Variants in TBC1D5 observed in about 807,000 individuals in gnomAD.
The protein encoded by TBC1D5 is TBC1 domain family, member 5.
Under a neutral mutation model 100.3 loss-of-function variants are expected in TBC1D5, and 75 were observed. That is an observed-to-expected ratio of 0.75 (90% CI 0.62 to 0.91). TBC1D5 has a LOEUF of 0.91. Among genes scored for constraint, TBC1D5 ranks in the 40% least tolerant of loss-of-function variants. TBC1D5 has a pLI of 0.00. For synonymous variants in TBC1D5, 323 were observed against 325.6 expected, an observed-to-expected ratio of 0.99 and a Z score of 0.09; for missense variants, 910 against 942.4, an observed-to-expected ratio of 0.97 and a Z score of 0.45.
chr3:17,579,323 T>C (rs1332824920), intron 2 of TBC1D5, among the ~76,000 whole-genome samples: 1 of 152,094 alleles, frequency 6.6e-6, no homozygotes, highest in Non-Finnish European at 1.5e-5. Flanking sequence ...TGAATGTAAA[T>C]TAGAAATACA....
chr3:17,304,409 G>A (rs529696661), intron 14 of TBC1D5, among the ~76,000 whole-genome samples: 2 of 152,066 alleles, frequency 1.3e-5, no homozygotes, highest in African/African-American at 4.8e-5. Flanking sequence ...TCTTTTCATA[G>A]ATCTTTTTTT....
intron 2 of TBC1D5, among the ~76,000 whole-genome samples, chr3:17,522,651 C>T (rs2096075812): frequency 6.6e-6 from 1 of 152,092 alleles, no homozygotes; most frequent in African/African-American, 2.4e-5. Flanking sequence ...ACTGGGACTA[C>T]AGAGGAGCTA....
rs2087582761 is a variant in TBC1D5 at position 17,335,485 on chromosome 3, T to C, written c.996-27351A>G. Among the ~76,000 whole-genome samples the C allele has an allele frequency of 4.6e-5, 7 of 152,192 alleles. No homozygotes were observed. In the South Asian group the frequency reaches 1.5e-3, roughly 32 times the overall value. Reference sequence around the variant, plus strand: ...ATAAGGAGAAAGACCCATCTCTGACTCCACTCAGCAGAACCACAACATCCA... The same window carrying C: ...ATAAGGAGAAAGACCCATCTCTGACCCCACTCAGCAGAACCACAACATCCA... On this transcript the variant is annotated intron_variant, in intron 13 of 21. Coordinates refer to ENST00000253692, the Ensembl canonical transcript of TBC1D5.
intron 3 of TBC1D5, among the ~76,000 whole-genome samples, chr3:17,491,019 C>A (rs985754476): frequency 6.6e-6 from 1 of 152,138 alleles, no homozygotes; most frequent in Non-Finnish European, 1.5e-5. Context: ...TGAAGAGGTC[C>A]TTCACTTCCC....
exon 22 of TBC1D5, chr3:17,160,923 G>A (rs1177761849): frequency 1.3e-6 from 2 of 1,584,106 alleles, no homozygotes; most frequent in Non-Finnish European, 1.7e-6. Context: ...GGCCACTGAA[G>A]GGTGGCTAGA....
chr3:17,594,953 A>G lies in TBC1D5; in HGVS notation c.-36+28896T>C, dbSNP rs997900525. On this transcript the variant is annotated intron_variant, in intron 2 of 21. Transcript: ENST00000253692. The stretch of plus-strand genomic sequence containing the variant: ...GCCAAAGGAGATTACCATTTGAGGC[A>G]GTGGGCTGGGAAAGGCAGACCCACC... Among the ~76,000 whole-genome samples, 3 of 152,188 alleles carry G rather than the reference A, an allele frequency of 2.0e-5. No homozygotes were observed. The East Asian group carries it at 5.8e-4, about 29-fold the overall frequency.
At chr3:17,213,733 C>CAAAA (rs71632897) in intron 18 of TBC1D5, among the ~76,000 whole-genome samples, 6 of 61,042 alleles carry the variant, frequency 9.8e-5, no homozygotes, top group Non-Finnish European at 1.5e-4. Context: ...GACTCTGTCT[C>CAAAA]AAAAAAAAAA....
chr3:17,362,231 A>G (rs1425316460), intron 13 of TBC1D5, among the ~76,000 whole-genome samples: 3 of 152,244 alleles, frequency 2.0e-5, no homozygotes, highest in Admixed American at 6.5e-5. Context: ...CAGAGTTCTT[A>G]TATGTGACAC....
chr3:17,362,262 G>C (rs1278235331), intron 13 of TBC1D5, among the ~76,000 whole-genome samples: 1 of 152,064 alleles, frequency 6.6e-6, no homozygotes, highest in African/African-American at 2.4e-5. Context: ...CTCCATAAAA[G>C]AAAAAGTTGA....
chr3:17,400,989 T>C (rs112159013), intron 8 of TBC1D5, among the ~76,000 whole-genome samples: 15,157 of 152,006 alleles, frequency 0.1, 1,768 homozygotes, highest in African/African-American at 0.28. Flanking sequence ...AGCTTGCAGA[T>C]GGCCTATTGT....
chr3:17,317,230 C>T (rs972549909), intron 13 of TBC1D5, among the ~76,000 whole-genome samples: 12 of 152,132 alleles, frequency 7.9e-5, no homozygotes, highest in Non-Finnish European at 1.6e-4. Flanking sequence ...CAAGTATTAA[C>T]GGTTTTTGGA....
At chr3:17,339,848 G>A (rs962349681) in intron 13 of TBC1D5, among the ~76,000 whole-genome samples, 1 of 152,150 alleles carries the variant, frequency 6.6e-6, no homozygotes, top group Non-Finnish European at 1.5e-5. Context: ...TAAAATTAAT[G>A]CTAGGGCAAA....
upstream of TBC1D5, among the ~76,000 whole-genome samples, chr3:17,742,250 G>T (rs1047429704): frequency 7.2e-5 from 11 of 152,108 alleles, no homozygotes; most frequent in Non-Finnish European, 2.9e-5. Context: ...GCGCACAAAC[G>T]GGGGGCGGTG....
chr3:17,590,074 C>T (rs2096756830), intron 2 of TBC1D5, among the ~76,000 whole-genome samples: 1 of 152,192 alleles, frequency 6.6e-6, no homozygotes. Context: ...TACAACATTC[C>T]TGTTTGTTTC....
At chr3:17,701,041 T>C (rs1474040773) in intron 1 of TBC1D5, among the ~76,000 whole-genome samples, 1 of 152,172 alleles carries the variant, frequency 6.6e-6, no homozygotes, top group East Asian at 1.9e-4. Flanking sequence ...GTATGTTTAT[T>C]GTAGCACTAT....
At chr3:17,505,237 ATGAATGGTTT>A (rs1235235650) in intron 3 of TBC1D5, among the ~76,000 whole-genome samples, 2 of 152,184 alleles carry the variant, frequency 1.3e-5, no homozygotes, top group East Asian at 3.8e-4. Flanking sequence ...CTGATCCTTC[ATGAATGGTTT>A]TGCACCATCC....
intron 2 of TBC1D5, among the ~76,000 whole-genome samples, chr3:17,553,687 A>C (rs1169246392): frequency 6.6e-6 from 1 of 152,192 alleles, no homozygotes; most frequent in Non-Finnish European, 1.5e-5. Context: ...TTCCCATCAG[A>C]AATAGTAACT....
chr3:17,406,948 G>A lies in TBC1D5; in HGVS notation c.168-422C>T, dbSNP rs77011521. Among the ~76,000 whole-genome samples, 1,287 of 152,058 alleles carry A rather than the reference G, an allele frequency of 8.5e-3. 17 individuals are homozygous for A. Among genetic ancestry groups the A allele is most frequent in the African/African-American group, 0.029 (1,215 of 41,502 alleles). On this transcript the variant is annotated intron_variant, in intron 4 of 21. Transcript: ENST00000253692. ...TGTGAAATACCTCTTTAAATGATCCGATTTCTCTTTAATGTCAGGCTGGAC... is the reference window on the plus strand; with the variant it reads ...TGTGAAATACCTCTTTAAATGATCCAATTTCTCTTTAATGTCAGGCTGGAC...
chr3:17,190,934 A>G (rs2125626936), intron 18 of TBC1D5, among the ~76,000 whole-genome samples: 1 of 152,288 alleles, frequency 6.6e-6, no homozygotes, highest in Non-Finnish European at 1.5e-5. Context: ...AGGAAACGGA[A>G]AGTCTCAAGG....
Sources: gnomAD v4.1 joint callset for allele counts (sites outside exome capture counted in the v4.1 genomes callset) on GRCh38, gnomAD v4.1.1 for gene constraint, MANE v1.5 for transcripts, NCBI Gene and HGNC (gene_info 2026-07-23, HGNC 2026-07-21) for gene names.